PDZD2: variants seen among roughly 807,000 people sequenced by gnomAD.
PDZD2 encodes the protein PDZ domain-containing protein 2.
In PDZD2, 90 loss-of-function variants were observed where a neutral mutation model predicts 220.7. The ratio of observed to expected loss-of-function variants is 0.41; its 90% CI spans 0.34 to 0.49. The LOEUF is 0.49. PDZD2 is among the 20% of genes least tolerant of loss of function. The pLI is 0.28. For missense variants in PDZD2, 3,174 were observed against 3,608.5 expected, an observed-to-expected ratio of 0.88 and a Z score of 3.08; for synonymous variants, 1,375 against 1,450.5, an observed-to-expected ratio of 0.95 and a Z score of 1.18.
chr5:31,763,858 G>A (rs1651406), intron 1 of PDZD2, among the ~76,000 whole-genome samples: 1 of 139,272 alleles, frequency 7.2e-6, no homozygotes, highest in Non-Finnish European at 1.5e-5. Flanking sequence ...GGAGAGGAGG[G>A]AGCCCTCTGA....
chr5:31,908,082 C>CAAAAAAAAAAAAAA (rs55741622), intron 2 of PDZD2, among the ~76,000 whole-genome samples: 24 of 76,892 alleles, frequency 3.1e-4, no homozygotes, highest in African/African-American at 1.2e-3. Flanking sequence ...GGCTCCGTCT[C>CAAAAAAAAAAAAAA]AAAAAAAAAA....
At position 31,958,040 on chromosome 5, in the gene PDZD2, C is replaced by T. The variant is rs370219153; in HGVS notation, c.477-25115C>T. 4.6e-5 allele frequency among the ~76,000 whole-genome samples: 7 copies of T among 151,970 alleles called. No individual in the cohort carries two copies. In the South Asian group the frequency reaches 8.3e-4, roughly 18 times the overall value. On this transcript the variant is annotated intron_variant, in intron 2 of 24. Transcript: ENST00000438447. ...TTTAAATCCAAAATTTACAAATGTC[C>T]GAGAATTAAAGCAGCAGGGCTTCCA...
chr5:31,834,775 C>A (rs890152989), intron 2 of PDZD2, among the ~76,000 whole-genome samples: 2 of 151,850 alleles, frequency 1.3e-5, no homozygotes, highest in Non-Finnish European at 2.9e-5. Context: ...GGGAGATATA[C>A]CTAATGCAAA....
At chr5:31,664,451 T>TACACACAC (rs10629638) in intron 1 of PDZD2, among the ~76,000 whole-genome samples, 1 of 144,704 alleles carries the variant, frequency 6.9e-6, no homozygotes, top group African/African-American at 2.5e-5. Flanking sequence ...CATGCATGCA[T>TACACACAC]ACACACACAC....
intron 6 of PDZD2, among the ~76,000 whole-genome samples, chr5:32,036,506 T>C (rs1427262753): frequency 6.6e-6 from 1 of 152,178 alleles, no homozygotes; most frequent in African/African-American, 2.4e-5. Flanking sequence ...TTTTGTTTTG[T>C]TTTTAGCATG....
Position 32,107,896 on chromosome 5 carries a change from TTTTAG to T in PDZD2, c.8354-68_8354-64del, listed in dbSNP as rs1307708224. On this transcript the variant is annotated intron_variant, in intron 24 of 24. Transcript: ENST00000438447. ...TTAGATATTTTTATCACTTAAAAGT[TTTTAG>T]TTTACTTAGGATTTTTGAATACTAT... 6 of 977,466 alleles carry T rather than the reference TTTTAG, an allele frequency of 6.1e-6. No individual in the cohort carries two copies. The East Asian group carries it at 1.2e-4, about 20-fold the overall frequency. 60.5% of individuals were successfully genotyped at this position (977,466 alleles called of 1,614,324 possible).
At chr5:31,896,539 G>A (rs1221136051) in intron 2 of PDZD2, among the ~76,000 whole-genome samples, 4 of 152,132 alleles carry the variant, frequency 2.6e-5, no homozygotes, top group Non-Finnish European at 5.9e-5. Context: ...GCCAAGCCCT[G>A]TGCTAAGGGC....
chr5:31,675,082 A>G (rs1746355207), intron 1 of PDZD2, among the ~76,000 whole-genome samples: 1 of 152,166 alleles, frequency 6.6e-6, no homozygotes, highest in South Asian at 2.1e-4. Flanking sequence ...GTAAGAAAAT[A>G]TTTGGCTGGG....
At position 32,090,585 on chromosome 5, in the gene PDZD2, C is replaced by T. The variant is rs765253667; in HGVS notation, c.7137C>T (p.Ser2379=). The change falls in exon 20 of 25, where the codon TCC becomes TCT. Residue 2379 remains serine, a synonymous_variant. Coordinates refer to ENST00000438447, the MANE Select transcript of PDZD2 (RefSeq NM_178140.4). This position sits in a 1 kb window ranked among gnomAD's most constrained non-coding sequence, Gnocchi z 4.3. ...GGCGGTCTTCCGGCAGCATTGTTTC[C>T]GGGAGCCTGGGCCACCCAGGTGACG... is the stretch of plus-strand genomic sequence containing the variant. ...IGRRSSGSIV[S]GSLGHPGDAA... is the part of the protein sequence containing the mutation. The T allele has an allele frequency of 8.7e-6, 14 of 1,613,878 alleles. No homozygotes were observed. In the Admixed American group the frequency reaches 1.2e-4, roughly 13 times the overall value.
At chr5:31,913,088 G>T (rs1743347350) in intron 2 of PDZD2, among the ~76,000 whole-genome samples, 1 of 152,182 alleles carries the variant, frequency 6.6e-6, no homozygotes, top group African/African-American at 2.4e-5. Context: ...ATAGTATCAG[G>T]CCAGATGTGG....
intron 19 of PDZD2, among the ~76,000 whole-genome samples, chr5:32,080,678 C>A (rs1280514297): frequency 6.6e-6 from 1 of 152,068 alleles, no homozygotes; most frequent in East Asian, 1.9e-4. Context: ...TTTGTCAATA[C>A]TGAGGTTTTC....
In PDZD2 at chr5:31,776,720, C is replaced by T. The variant is rs761653755; in HGVS notation, c.-360-22169C>T. 2.0e-5 allele frequency among the ~76,000 whole-genome samples: 3 copies of T among 151,772 alleles called. No homozygotes were observed. In the East Asian group the frequency reaches 5.8e-4, roughly 30 times the overall value. ...CTGGAGTGCAGTAGTGCAGTCTTGG[C>T]TCACTGTAACCTCCACCTCCTAGGT... On this transcript the variant is annotated intron_variant, in intron 1 of 24. Transcript: ENST00000438447.
At chr5:31,804,648 G>C (rs1369142177) in intron 2 of PDZD2, among the ~76,000 whole-genome samples, 1 of 151,898 alleles carries the variant, frequency 6.6e-6, no homozygotes, top group African/African-American at 2.4e-5. Context: ...TGCATTGTAC[G>C]ACCTCAACTT....
rs1737699725 is a variant in PDZD2 at position 32,044,139 on chromosome 5, G to A, written c.1520-4400G>A. On this transcript the variant is annotated intron_variant, in intron 7 of 24. Coordinates refer to ENST00000438447, the MANE Select transcript of PDZD2 (RefSeq NM_178140.4). ...AGGTCAGGAGTTCGAGACCAGCCTG[G>A]CCAACACGGTGAAACCTCATCTCTA... Among the ~76,000 whole-genome samples the A allele has an allele frequency of 2.0e-5, 3 of 150,798 alleles. No homozygotes were observed. In the South Asian group the frequency reaches 6.6e-4, roughly 33 times the overall value.
intron 2 of PDZD2, among the ~76,000 whole-genome samples, chr5:31,825,067 C>A (rs1291177725): frequency 1.3e-5 from 2 of 152,178 alleles, no homozygotes; most frequent in Non-Finnish European, 2.9e-5. Flanking sequence ...CCACGCATCC[C>A]CACCTCCACC....
At chr5:31,654,464 C>T (rs1325006078) in intron 1 of PDZD2, among the ~76,000 whole-genome samples, 3 of 152,116 alleles carry the variant, frequency 2.0e-5, no homozygotes, top group South Asian at 4.1e-4. Flanking sequence ...CGATGTCTGT[C>T]ATCCTGATGG....
intron 2 of PDZD2, among the ~76,000 whole-genome samples, chr5:31,811,145 C>T (rs995645888): frequency 6.6e-6 from 1 of 152,126 alleles, no homozygotes; most frequent in Non-Finnish European, 1.5e-5. Context: ...ACACCATGCC[C>T]GGCTAATTTT....
chr5:31,946,122 C>T (rs1380745230), intron 2 of PDZD2, among the ~76,000 whole-genome samples: 1 of 152,244 alleles, frequency 6.6e-6, no homozygotes, highest in Admixed American at 6.5e-5. Context: ...CCTGCCTCAA[C>T]CTCTTGAGTA....
intron 14 of PDZD2, among the ~76,000 whole-genome samples, chr5:32,066,726 T>C (rs1184067588): frequency 6.6e-6 from 1 of 152,220 alleles, no homozygotes. Flanking sequence ...CAGCATAACA[T>C]GGGTCATGAT....
Sources: allele counts gnomAD v4.1 joint callset (sites outside exome capture counted in the v4.1 genomes callset), GRCh38; gene constraint gnomAD v4.1.1; non-coding constraint Gnocchi (gnomAD v3.1); transcripts MANE v1.5; gene names NCBI Gene and HGNC (gene_info 2026-07-23, HGNC 2026-07-21).